Variants in DENND4C observed in about 807,000 individuals in gnomAD.
The protein encoded by DENND4C is DENN domain-containing protein 4C.
Under a neutral mutation model 203.0 loss-of-function variants are expected in DENND4C, and 108 were observed. The observed-to-expected ratio is 0.53, with a 90% CI of 0.46 to 0.62. DENND4C has a LOEUF of 0.62. Ranked by LOEUF, DENND4C falls within the 20% of genes least tolerant of loss-of-function variation. The probability of loss-of-function intolerance (pLI) is 0.00; values close to 1 mark genes in which losing one functional copy is unlikely to be tolerated. For missense variants in DENND4C, 2,481 were observed against 2,301.2 expected, an observed-to-expected ratio of 1.08 and a Z score of -1.60; for synonymous variants, 871 against 792.4, an observed-to-expected ratio of 1.10 and a Z score of -1.67.
chr9:19,369,724 A>T (rs937472506), intron 30 of DENND4C, 113 bp from the exon 31 acceptor site: 2 of 598,756 alleles, frequency 3.3e-6, no homozygotes, highest in Admixed American at 9.5e-5. Flanking sequence ...CCATGATCAC[A>T]TCACTGCACT....
At chr9:19,323,852 T>G (rs923897454) in intron 12 of DENND4C, among the ~76,000 whole-genome samples, 8 of 152,148 alleles carry the variant, frequency 5.3e-5, no homozygotes, top group African/African-American at 1.9e-4. Context: ...GTGGTTTAAT[T>G]AGGCAGAAGG....
intron 26 of DENND4C, 48 bp downstream of exon 26, chr9:19,352,713 A>G (rs765724143): frequency 2.3e-5 from 33 of 1,420,186 alleles, no homozygotes; most frequent in Non-Finnish European, 2.7e-5. Context: ...CTCAAAAAAC[A>G]CGACTTCTGG....
In DENND4C at chr9:19,324,497, G is replaced by T; in HGVS notation, c.1943G>T (p.Cys648Phe). 3.1e-6 allele frequency: 5 copies of T among 1,603,106 alleles called. No homozygotes were observed. The highest frequency in any genetic ancestry group is 4.2e-6 in the Non-Finnish European group (5 of 1,177,674). The stretch of plus-strand genomic sequence containing the variant: ...ACTGGATTAGCATTTTTTGATGACT[G>T]CATAGAAAAGGTAAAAGTTTGTACT... ...KDTGLAFFDDCIEKLFPDKGT... is the reference protein window; with the variant it reads ...KDTGLAFFDDFIEKLFPDKGT... Residue 648 changes from cysteine (C) to phenylalanine (F), a missense_variant, in exon 13 of 33, where the codon TGC becomes TTC. Transcript: ENST00000434457.
intron 1 of DENND4C, among the ~76,000 whole-genome samples, chr9:19,232,605 A>G (rs1466809523): frequency 6.6e-6 from 1 of 152,188 alleles, no homozygotes; most frequent in African/African-American, 2.4e-5. Context: ...TCGAGAGTAA[A>G]TACAGTATTT....
intron 23 of DENND4C, 65 bp from the exon 24 acceptor site, chr9:19,350,637 G>C (rs1038447496): frequency 7.3e-7 from 1 of 1,376,224 alleles, no homozygotes; most frequent in Non-Finnish European, 9.9e-7. Flanking sequence ...AAAGGGTAGA[G>C]TGGGTATAAT....
chr9:19,327,970 G>T (rs1818176436), intron 15 of DENND4C, 60 bp from the exon 16 acceptor site: 2 of 1,466,114 alleles, frequency 1.4e-6, no homozygotes, highest in Non-Finnish European at 1.8e-6. Context: ...CTAAACGCTG[G>T]AATAATATGA....
chr9:19,322,131 A>C (rs1395478486), intron 12 of DENND4C, among the ~76,000 whole-genome samples: 1 of 152,208 alleles, frequency 6.6e-6, no homozygotes, highest in African/African-American at 2.4e-5. Flanking sequence ...TACAAATTGG[A>C]AATAGTTGTG....
intron 1 of DENND4C, among the ~76,000 whole-genome samples, chr9:19,254,503 G>T (rs1459187961): frequency 6.6e-6 from 1 of 152,166 alleles, no homozygotes; most frequent in East Asian, 1.9e-4. Context: ...GACAAATATT[G>T]TATAGTCTCA....
chr9:19,266,088 C>G (rs1447514019), intron 1 of DENND4C, among the ~76,000 whole-genome samples: 2 of 152,144 alleles, frequency 1.3e-5, no homozygotes, highest in Non-Finnish European at 2.9e-5. Context: ...TAAAAGTGTT[C>G]CTATTTCTCC....
At chr9:19,351,668 G>A (rs1024715168) in intron 24 of DENND4C, among the ~76,000 whole-genome samples, 1 of 151,916 alleles carries the variant, frequency 6.6e-6, no homozygotes, top group Non-Finnish European at 1.5e-5. Flanking sequence ...TTAGCCAGGC[G>A]TGGCAGCGTG....
At position 19,371,827 on chromosome 9, in the gene DENND4C, T is replaced by G. The variant is rs1563852087; in HGVS notation, c.5740+7T>G. The G allele has an allele frequency of 6.9e-7, 1 of 1,439,228 alleles. No individual in the cohort carries two copies. The highest frequency in any genetic ancestry group is 9.6e-7 in the Non-Finnish European group (1 of 1,041,284). 89.2% of individuals were successfully genotyped at this position (1,439,228 alleles called of 1,614,324 possible). On this transcript the variant is annotated splice_region_variant and intron_variant, in intron 32 of 32. Transcript: ENST00000434457. ...AGAGAGAATATTGATATTGGTAAGT[T>G]GGTTAATAAAAGATTATGAAAGGAA...
rs945568324 is a variant in DENND4C at position 19,373,914 on chromosome 9, T to C, written c.*1741T>C. 3.9e-5 allele frequency among the ~76,000 whole-genome samples: 6 copies of C among 152,186 alleles called. No homozygotes were observed. The highest frequency in any genetic ancestry group is 3.3e-4 in the Admixed American group (5 of 15,276). On this transcript the variant is annotated 3_prime_UTR_variant, in exon 33 of 33. Coordinates refer to ENST00000434457, the MANE Select transcript of DENND4C (RefSeq NM_001330640.2). ...ATCTGACCTATGCAGAATTCTAGTG[T>C]GAATTTATTGTGAAAATGCTAAATG...
chr9:19,290,373 A>G (rs1245196163), intron 4 of DENND4C, among the ~76,000 whole-genome samples: 1 of 152,204 alleles, frequency 6.6e-6, no homozygotes, highest in African/African-American at 2.4e-5. Flanking sequence ...ATAGTTGGTA[A>G]ATTTTTCTGT....
intron 1 of DENND4C, among the ~76,000 whole-genome samples, chr9:19,236,721 T>C (rs776747028): frequency 3.3e-5 from 5 of 152,178 alleles, no homozygotes; most frequent in Non-Finnish European, 7.3e-5. Flanking sequence ...AACTGTTACA[T>C]AATACAAACA....
chr9:19,340,069 G>T (rs929927916), intron 20 of DENND4C, among the ~76,000 whole-genome samples: 1 of 152,064 alleles, frequency 6.6e-6, no homozygotes, highest in African/African-American at 2.4e-5. Context: ...GCTCAATCTT[G>T]TACCTTCTCT....
intron 26 of DENND4C, 33 bp downstream of exon 26, chr9:19,352,698 G>C (rs753816465): frequency 6.7e-7 from 1 of 1,489,720 alleles, no homozygotes; most frequent in East Asian, 2.3e-5. Context: ...CAAGAAGTAA[G>C]TACCCTCAAA....
At chr9:19,339,516 CCTT>C (rs1821152036) in intron 20 of DENND4C, among the ~76,000 whole-genome samples, 1 of 152,112 alleles carries the variant, frequency 6.6e-6, no homozygotes, top group Admixed American at 6.6e-5. Context: ...GATGTTGACT[CCTT>C]CTCAGGTTGT....
intron 27 of DENND4C, 119 bp from the exon 28 acceptor site, chr9:19,357,846 C>G: frequency 1.3e-6 from 1 of 795,344 alleles, no homozygotes; most frequent in Non-Finnish European, 1.9e-6. Context: ...CAAGGTGGTG[C>G]TGATTCTTCT....
intron 1 of DENND4C, among the ~76,000 whole-genome samples, chr9:19,270,549 A>G: frequency 6.6e-6 from 1 of 152,222 alleles, no homozygotes; most frequent in South Asian, 2.1e-4. Context: ...AAGGGTGAAT[A>G]ATACTCCATT....
Sources: allele counts gnomAD v4.1 joint callset (sites outside exome capture counted in the v4.1 genomes callset), GRCh38; gene constraint gnomAD v4.1.1; transcripts MANE v1.5; gene names NCBI Gene and HGNC (gene_info 2026-07-23, HGNC 2026-07-21).